ITCH: variants seen among roughly 807,000 people sequenced by gnomAD.
ITCH encodes the protein E3 ubiquitin-protein ligase Itchy homolog.
In ITCH, 28 loss-of-function variants were observed where a neutral mutation model predicts 126.8. That is an observed-to-expected ratio of 0.22 (90% CI 0.16 to 0.30). The LOEUF (loss-of-function observed/expected upper bound fraction) is 0.30, where lower values mean the gene tolerates loss of function less well. Ranked by LOEUF, ITCH falls within the 10% of genes least tolerant of loss-of-function variation. The probability of loss-of-function intolerance (pLI) is 1.00; values close to 1 mark genes in which losing one functional copy is unlikely to be tolerated. For missense variants in ITCH, 631 were observed against 1,032.4 expected, an observed-to-expected ratio of 0.61 and a Z score of 5.33; for synonymous variants, 342 against 340.0, an observed-to-expected ratio of 1.01 and a Z score of -0.06.
intron 14 of ITCH, among the ~76,000 whole-genome samples, chr20:34,466,042 TTA>T (rs1214510299): frequency 6.6e-6 from 1 of 152,186 alleles, no homozygotes; most frequent in Non-Finnish European, 1.5e-5. Flanking sequence ...TGTTAGATTT[TTA>T]TATGTGCCTT....
At chr20:34,399,087 T>C (rs1434109456) in intron 3 of ITCH, among the ~76,000 whole-genome samples, 2 of 152,114 alleles carry the variant, frequency 1.3e-5, no homozygotes, top group Admixed American at 6.6e-5. Flanking sequence ...GGAATAAATA[T>C]GCAAGTGTAA....
In ITCH at chr20:34,488,161, T is replaced by A. The variant is rs765794997; in HGVS notation, c.2094-1105T>A. On this transcript the variant is annotated intron_variant, in intron 20 of 24. Transcript: ENST00000374864. ...CTTTCCTCAGATTCATTTTTTTTTT[T>A]AAATCTAAGATAATTTCCCTTTGGC... Among the ~76,000 whole-genome samples the A allele has an allele frequency of 4.6e-5, 7 of 151,794 alleles. No individual in the cohort carries two copies. The East Asian group carries it at 7.7e-4, about 17-fold the overall frequency.
At chr20:34,430,782 A>G (rs1982186361) in intron 7 of ITCH, among the ~76,000 whole-genome samples, 1 of 152,148 alleles carries the variant, frequency 6.6e-6, no homozygotes, top group African/African-American at 2.4e-5. Context: ...CCAGCCTAAA[A>G]TATTTGAACA....
At chr20:34,442,387 T>G in intron 10 of ITCH, 84 bp downstream of exon 10, 3 of 1,019,726 alleles carry the variant, frequency 2.9e-6, no homozygotes, top group Non-Finnish European at 4.5e-6. Flanking sequence ...CATTTCTGTT[T>G]TACTTTTTCT....
chr20:34,434,257 A>G (rs555685429), intron 7 of ITCH, among the ~76,000 whole-genome samples: 13 of 151,888 alleles, frequency 8.6e-5, no homozygotes, highest in Non-Finnish European at 1.5e-4. Context: ...GTGGTAAACC[A>G]TGGTTGTGCC....
At chr20:34,416,015 G>A (rs577859027) in intron 6 of ITCH, among the ~76,000 whole-genome samples, 46 of 152,188 alleles carry the variant, frequency 3.0e-4, no homozygotes, top group South Asian at 6.2e-4. Context: ...CCAGCTGCTC[G>A]AGAGGCTGAG....
Position 34,502,965 on chromosome 20 carries a change from T to C in ITCH, c.2417-1366T>C, listed in dbSNP as rs559100849. Among the ~76,000 whole-genome samples the C allele has an allele frequency of 1.2e-4, 19 of 152,280 alleles. No homozygotes were observed. The South Asian group carries it at 3.7e-3, about 30-fold the overall frequency. ...AGGCGGAGGTTGCATTGAGCCAAGA[T>C]TGTGCCACTGCCATCCAGCCAGGGT... is the stretch of plus-strand genomic sequence containing the variant. On this transcript the variant is annotated intron_variant, in intron 23 of 24. Coordinates refer to ENST00000374864, the MANE Select transcript of ITCH (RefSeq NM_031483.7).
At chr20:34,500,558 C>T (rs891294356) in intron 23 of ITCH, among the ~76,000 whole-genome samples, 5 of 152,010 alleles carry the variant, frequency 3.3e-5, no homozygotes, top group African/African-American at 4.8e-5. Context: ...TGTGTCTTTA[C>T]GGGTAAAGCA....
chr20:34,480,424 A>G (rs1457807704), intron 18 of ITCH, among the ~76,000 whole-genome samples, 175 bp from the exon 19 acceptor site: 1 of 151,040 alleles, frequency 6.6e-6, no homozygotes, highest in Admixed American at 6.6e-5. Context: ...CTGGTCTCGA[A>G]CTCCTGACCT....
intron 20 of ITCH, among the ~76,000 whole-genome samples, chr20:34,488,140 C>T (rs1297036173): frequency 6.7e-6 from 1 of 148,574 alleles, no homozygotes; most frequent in Non-Finnish European, 1.5e-5. Flanking sequence ...TTATTTCTTT[C>T]CTCAGATTCA....
intron 2 of ITCH, among the ~76,000 whole-genome samples, chr20:34,393,172 A>C (rs2038547086): frequency 6.6e-6 from 1 of 152,044 alleles, no homozygotes; most frequent in Non-Finnish European, 1.5e-5. Flanking sequence ...GGCAAAGGGG[A>C]AGTCTTCTTT....
intron 7 of ITCH, among the ~76,000 whole-genome samples, 179 bp downstream of exon 7, chr20:34,424,704 A>G (rs562167927): frequency 1.3e-5 from 2 of 152,360 alleles, no homozygotes; most frequent in Middle Eastern, 3.4e-3. Flanking sequence ...GATTAGAGCT[A>G]TCTGGAGTGG....
intron 7 of ITCH, among the ~76,000 whole-genome samples, chr20:34,427,851 T>G (rs201551185): frequency 6.6e-6 from 1 of 152,258 alleles, no homozygotes; most frequent in African/African-American, 2.4e-5. Context: ...GGTTCTGTTA[T>G]GCCAGTGTGT....
At chr20:34,474,288 C>T (rs1342249668) in intron 16 of ITCH, among the ~76,000 whole-genome samples, 25 of 152,126 alleles carry the variant, frequency 1.6e-4, no homozygotes, top group Admixed American at 4.6e-4. Context: ...GTCCCTAGTT[C>T]TCCTAGGCAG....
chr20:34,422,059 T>C (rs1980849059), intron 6 of ITCH, among the ~76,000 whole-genome samples: 2 of 152,154 alleles, frequency 1.3e-5, no homozygotes, highest in South Asian at 4.1e-4. Flanking sequence ...GTTTAGACTT[T>C]CCTAATGAGA....
At chr20:34,392,232 T>G (rs1188367886) in intron 2 of ITCH, among the ~76,000 whole-genome samples, 1 of 152,220 alleles carries the variant, frequency 6.6e-6, no homozygotes, top group African/African-American at 2.4e-5. Flanking sequence ...ATCTCATTTC[T>G]GAATGTATTC....
At chr20:34,373,174 G>T (rs1469777261) in intron 2 of ITCH, among the ~76,000 whole-genome samples, 1 of 151,806 alleles carries the variant, frequency 6.6e-6, no homozygotes, top group Non-Finnish European at 1.5e-5. Context: ...GGGTTTCACT[G>T]TGTTGGTGAG....
At chr20:34,368,408 A>C (rs1411446483) in intron 1 of ITCH, among the ~76,000 whole-genome samples, 1 of 138,674 alleles carries the variant, frequency 7.2e-6, no homozygotes, top group South Asian at 2.4e-4. Flanking sequence ...GAATTAAGAC[A>C]AAAGTATGTA....
chr20:34,430,543 G>A (rs753449047), intron 7 of ITCH, among the ~76,000 whole-genome samples: 20 of 152,060 alleles, frequency 1.3e-4, no homozygotes, highest in Non-Finnish European at 2.1e-4. Context: ...ACGCGATCTC[G>A]GCTCACTGCA....
Sources: gnomAD v4.1 joint callset for allele counts (sites outside exome capture counted in the v4.1 genomes callset) on GRCh38, gnomAD v4.1.1 for gene constraint, MANE v1.5 for transcripts, NCBI Gene and HGNC (gene_info 2026-07-23, HGNC 2026-07-21) for gene names.